Variants in SEMA3E observed in about 807,000 individuals in gnomAD.
SEMA3E encodes the protein semaphorin-3E.
SEMA3E carries 49 observed loss-of-function variants against 93.6 expected under a neutral mutation model. That is an observed-to-expected ratio of 0.52 (90% CI 0.42 to 0.66). The LOEUF is 0.66. Ranked by LOEUF, SEMA3E falls within the 30% of genes least tolerant of loss-of-function variation. SEMA3E has a pLI of 0.00. For missense variants in SEMA3E, 906 were observed against 964.8 expected, an observed-to-expected ratio of 0.94 and a Z score of 0.81; for synonymous variants, 363 against 330.7, an observed-to-expected ratio of 1.10 and a Z score of -1.06.
intron 2 of SEMA3E, among the ~76,000 whole-genome samples, chr7:83,480,252 C>A (rs1356101652): frequency 1.3e-5 from 2 of 152,028 alleles, no homozygotes; most frequent in Non-Finnish European, 1.5e-5. Flanking sequence ...ACCAGCCTGG[C>A]CAACATGGTG....
At chr7:83,441,580 C>A (rs1789115566) in intron 4 of SEMA3E, among the ~76,000 whole-genome samples, 1 of 152,134 alleles carries the variant, frequency 6.6e-6, no homozygotes, top group Admixed American at 6.5e-5. Flanking sequence ...ACAACATTTA[C>A]TATTTGCCAA....
At chr7:83,547,661 GTTTAACCTTA>G (rs1187708780) in intron 1 of SEMA3E, among the ~76,000 whole-genome samples, 1 of 152,086 alleles carries the variant, frequency 6.6e-6, no homozygotes, top group African/African-American at 2.4e-5. Context: ...AAAGATTTAT[GTTTAACCTTA>G]GGAAATTGGC....
chr7:83,560,999 A>G (rs1212227957), intron 1 of SEMA3E, among the ~76,000 whole-genome samples: 5 of 152,060 alleles, frequency 3.3e-5, no homozygotes, highest in Admixed American at 1.3e-4. Flanking sequence ...GGAATTTACT[A>G]ATTTAGAAAT....
Position 83,367,578 on chromosome 7 carries a change from T to G in SEMA3E, c.*8A>C. On this transcript the variant is annotated 3_prime_UTR_variant, in exon 17 of 17. Coordinates refer to ENST00000643230, the MANE Select transcript of SEMA3E (RefSeq NM_012431.3). ...ATTCTTCAAAAGACAGTAGATAGTC[T>G]CACCCCATCAGGAGTCCAGCGTGTG... 1 of 1,613,694 alleles carries G rather than the reference T, an allele frequency of 6.2e-7. No homozygotes were observed.
At chr7:83,376,811 T>C (rs1321023826) in intron 16 of SEMA3E, among the ~76,000 whole-genome samples, 2 of 152,040 alleles carry the variant, frequency 1.3e-5, no homozygotes, top group Non-Finnish European at 2.9e-5. Context: ...TATTTTAAAG[T>C]GATACACTTT....
chr7:83,439,049 A>T (rs1789058288), intron 4 of SEMA3E, among the ~76,000 whole-genome samples: 1 of 152,206 alleles, frequency 6.6e-6, no homozygotes, highest in Non-Finnish European at 1.5e-5. Context: ...TGCTTTTTAT[A>T]AAACCATGAA....
At chr7:83,426,331 C>T (rs910420940) in intron 4 of SEMA3E, among the ~76,000 whole-genome samples, 18 of 152,180 alleles carry the variant, frequency 1.2e-4, no homozygotes, top group African/African-American at 4.3e-4. Context: ...AACATAGGTG[C>T]CCATCAACAG....
In SEMA3E at chr7:83,531,826, C is replaced by T. The variant is rs115461972; in HGVS notation, c.116-41552G>A. 3.1e-3 allele frequency among the ~76,000 whole-genome samples: 477 copies of T among 152,200 alleles called. 3 individuals are homozygous for T. The highest frequency in any genetic ancestry group is 8.2e-3 in the African/African-American group (340 of 41,542). The stretch of plus-strand genomic sequence containing the variant: ...ACTTAAATAGTTCACTTCTTTTGTA[C>T]TGTAAAAATTATGGAGTGAAGATTT... On this transcript the variant is annotated intron_variant, in intron 1 of 16. Transcript: ENST00000643230.
chr7:83,513,258 G>C (rs984856412), intron 1 of SEMA3E, among the ~76,000 whole-genome samples: 1 of 152,130 alleles, frequency 6.6e-6, no homozygotes, highest in Non-Finnish European at 1.5e-5. Flanking sequence ...TCAAAATCAA[G>C]GCTGTGGCCT....
chr7:83,591,911 A>G lies in SEMA3E; in HGVS notation c.115+56517T>C, dbSNP rs183940403. ...GTATTCACATCAATTTTTCTATATA[A>G]TTTTAAATCAAGCATTTTGATCCAG... On this transcript the variant is annotated intron_variant, in intron 1 of 16. Coordinates refer to ENST00000643230, the MANE Select transcript of SEMA3E (RefSeq NM_012431.3). Among the ~76,000 whole-genome samples the G allele has an allele frequency of 4.1e-3, 629 of 152,158 alleles. 17 individuals are homozygous for G. The highest frequency in any genetic ancestry group is 0.036 in the Admixed American group (552 of 15,242).
intron 4 of SEMA3E, among the ~76,000 whole-genome samples, chr7:83,464,394 CCTA>C: frequency 6.8e-6 from 1 of 147,916 alleles, no homozygotes; most frequent in Admixed American, 6.9e-5. Flanking sequence ...ACTTGTCATC[CCTA>C]CTATCTTGTC....
chr7:83,528,237 C>G (rs926516358), intron 1 of SEMA3E, among the ~76,000 whole-genome samples: 4 of 152,032 alleles, frequency 2.6e-5, no homozygotes, highest in Non-Finnish European at 1.5e-5. Context: ...GCATTTCTAA[C>G]TTGGGAAACT....
At chr7:83,425,899 C>A (rs1287042123) in intron 4 of SEMA3E, among the ~76,000 whole-genome samples, 1 of 151,484 alleles carries the variant, frequency 6.6e-6, no homozygotes, top group African/African-American at 2.4e-5. Context: ...AAAAAACAAC[C>A]CCATTAAAAA....
rs145087240 is a variant in SEMA3E, at chr7:83,498,597, G to A, written c.116-8323C>T. On this transcript the variant is annotated intron_variant, in intron 1 of 16. Coordinates refer to ENST00000643230, the MANE Select transcript of SEMA3E (RefSeq NM_012431.3). ...GGTTCAAGCGATTCTCTTGCCTCAG[G>A]CCCCTGAGTAGCTGGGATTACAGGT... 5.4e-3 allele frequency among the ~76,000 whole-genome samples: 815 copies of A among 151,836 alleles called. 4 individuals carry two copies. The highest frequency in any genetic ancestry group is 7.2e-3 in the Non-Finnish European group (490 of 67,900).
chr7:83,557,892 T>C (rs1196015814), intron 1 of SEMA3E, among the ~76,000 whole-genome samples: 1 of 152,124 alleles, frequency 6.6e-6, no homozygotes, highest in African/African-American at 2.4e-5. Flanking sequence ...TTGTCCAAAA[T>C]GTACACAATA....
Position 83,473,929 on chromosome 7 carries a change from A to G in SEMA3E, c.277-4627T>C, listed in dbSNP as rs146303255. ...GCAAACATGGTGAAATCTTGTCTCT[A>G]TGAAAAATACAAAACTAGCCAGGCG... On this transcript the variant is annotated intron_variant, in intron 2 of 16. Transcript: ENST00000643230. 1.2e-4 allele frequency among the ~76,000 whole-genome samples: 18 copies of G among 151,978 alleles called. No individual in the cohort carries two copies. In the East Asian group the frequency reaches 2.1e-3, roughly 18 times the overall value.
chr7:83,441,122 T>C (rs775277126), intron 4 of SEMA3E, among the ~76,000 whole-genome samples: 4 of 152,092 alleles, frequency 2.6e-5, no homozygotes, highest in East Asian at 1.9e-4. Context: ...TCAAAGATAA[T>C]GATAGTCCTG....
chr7:83,407,011 T>C, intron 7 of SEMA3E, 86 bp downstream of exon 7: 2 of 1,514,212 alleles, frequency 1.3e-6, no homozygotes, highest in Non-Finnish European at 1.8e-6. Flanking sequence ...TAGAAAATAT[T>C]TAAAAGTAGA....
intron 1 of SEMA3E, among the ~76,000 whole-genome samples, chr7:83,521,401 T>C (rs1791047323): frequency 6.6e-6 from 1 of 152,142 alleles, no homozygotes. Context: ...AGAAATTGCA[T>C]TATTGTTCAT....
Sources: gnomAD v4.1 joint callset for allele counts (sites outside exome capture counted in the v4.1 genomes callset) on GRCh38, gnomAD v4.1.1 for gene constraint, MANE v1.5 for transcripts, NCBI Gene and HGNC (gene_info 2026-07-23, HGNC 2026-07-21) for gene names.